Variants in GNAL observed in about 807,000 individuals in gnomAD.
GNAL encodes the protein guanine nucleotide-binding protein G(olf) subunit alpha.
GNAL carries 18 observed loss-of-function variants against 55.1 expected under a neutral mutation model. The observed-to-expected ratio is 0.33, with a 90% CI of 0.23 to 0.48. The LOEUF is 0.48. Ranked by LOEUF, GNAL falls within the 20% of genes least tolerant of loss-of-function variation. GNAL has a pLI of 0.99. For synonymous variants in GNAL, 253 were observed against 237.0 expected (o/e 1.07, Z -0.62); for missense variants, 412 against 614.1 (o/e 0.67, Z 3.48).
chr18:11,870,176 C>T (rs978547423), intron 9 of GNAL, among the ~76,000 whole-genome samples: 2 of 152,138 alleles, frequency 1.3e-5, no homozygotes, highest in Non-Finnish European at 2.9e-5. Context: ...AGGGATGACT[C>T]TATATCTAGG....
intron 1 of GNAL, among the ~76,000 whole-genome samples, chr18:11,708,542 C>T (rs1567993302): frequency 2.6e-5 from 4 of 152,108 alleles, no homozygotes; most frequent in Admixed American, 2.0e-4. Context: ...ATTACCAAAA[C>T]GTAATACAGA....
At chr18:11,859,955 C>T (rs952091781) in intron 5 of GNAL, among the ~76,000 whole-genome samples, 2 of 152,112 alleles carry the variant, frequency 1.3e-5, no homozygotes, top group Admixed American at 1.3e-4. Context: ...ACAATGTTGG[C>T]TAGGTTGGTC....
chr18:11,791,770 C>T (rs1031701261), intron 4 of GNAL, among the ~76,000 whole-genome samples: 1 of 152,132 alleles, frequency 6.6e-6, no homozygotes, highest in East Asian at 1.9e-4. Context: ...TGCAAGGACT[C>T]GAAGTAGGAC....
At chr18:11,848,230 T>A (rs570591775) in intron 5 of GNAL, among the ~76,000 whole-genome samples, 24 of 151,782 alleles carry the variant, frequency 1.6e-4, no homozygotes, top group Middle Eastern at 6.8e-3. Context: ...ATGGCTGGGG[T>A]GTTGATAAGA....
chr18:11,770,736 A>C (rs1347658232), intron 4 of GNAL, among the ~76,000 whole-genome samples: 1 of 152,146 alleles, frequency 6.6e-6, no homozygotes, highest in East Asian at 1.9e-4. Context: ...AAATAATCTA[A>C]ATTTTAGATA....
chr18:11,729,781 G>C (rs774853466), intron 1 of GNAL, among the ~76,000 whole-genome samples: 27 of 152,240 alleles, frequency 1.8e-4, no homozygotes, highest in Admixed American at 5.2e-4. Flanking sequence ...GTGGCTGCTC[G>C]CGGCTGGCAG....
chr18:11,831,374 C>T (rs2035379529), intron 5 of GNAL, among the ~76,000 whole-genome samples: 1 of 152,060 alleles, frequency 6.6e-6, no homozygotes, highest in African/African-American at 2.4e-5. Flanking sequence ...AGGCCTGCTT[C>T]TTCATACTTG....
intron 4 of GNAL, among the ~76,000 whole-genome samples, chr18:11,820,702 AG>A (rs927412634): frequency 3.3e-5 from 5 of 152,226 alleles, no homozygotes; most frequent in African/African-American, 1.2e-4. Flanking sequence ...TCACAACAGC[AG>A]CCCTGGAATT....
chr18:11,849,837 A>G (rs930558512), intron 5 of GNAL, among the ~76,000 whole-genome samples: 9 of 152,226 alleles, frequency 5.9e-5, no homozygotes, highest in Non-Finnish European at 1.3e-4. Flanking sequence ...AAATTCAGCA[A>G]CGCCATCTGG....
At chr18:11,750,843 A>C (rs766859625) in intron 1 of GNAL, among the ~76,000 whole-genome samples, 8 of 152,098 alleles carry the variant, frequency 5.3e-5, no homozygotes, top group Non-Finnish European at 8.8e-5. Context: ...CAGGTGGGAC[A>C]GAGTTGAATG....
chr18:11,699,300 T>C (rs1230122374), intron 1 of GNAL, among the ~76,000 whole-genome samples: 1 of 152,122 alleles, frequency 6.6e-6, no homozygotes, highest in African/African-American at 2.4e-5. Context: ...GTTCAAGCGA[T>C]TCTCTTGCCT....
intron 4 of GNAL, among the ~76,000 whole-genome samples, chr18:11,767,440 G>T (rs915414295): frequency 6.6e-6 from 1 of 151,282 alleles, no homozygotes; most frequent in Non-Finnish European, 1.5e-5. Flanking sequence ...CCTTTTGCTT[G>T]CACAGTTGCT....
intron 5 of GNAL, among the ~76,000 whole-genome samples, chr18:11,830,677 A>G (rs2035359952): frequency 6.6e-6 from 1 of 152,220 alleles, no homozygotes; most frequent in African/African-American, 2.4e-5. Flanking sequence ...TGGTAGATGG[A>G]TGTTCATAGC....
Position 11,881,747 on chromosome 18 carries a change from T to A in GNAL, c.*612T>A, listed in dbSNP as rs996709650. ...ACCTACCACATTCACTACTGCAAAATGTGTCCTGTCTAAAAATGATTCTCT... is the reference window on the plus strand; with the variant it reads ...ACCTACCACATTCACTACTGCAAAAAGTGTCCTGTCTAAAAATGATTCTCT... On this transcript the variant is annotated 3_prime_UTR_variant, in exon 12 of 12. Transcript: ENST00000334049. The surrounding 1 kb of genome is among the most constrained non-coding windows in gnomAD (Gnocchi z 4.8). 6.6e-6 allele frequency: 1 copy of A among 152,622 alleles called. No homozygotes were observed. Among genetic ancestry groups the A allele is most frequent in the Admixed American group, 6.5e-5 (1 of 15,282 alleles). 9.5% of individuals were successfully genotyped at this position (152,622 alleles called of 1,614,324 possible).
chr18:11,768,766 C>T (rs1043765069), intron 4 of GNAL, among the ~76,000 whole-genome samples: 3 of 140,856 alleles, frequency 2.1e-5, no homozygotes, highest in African/African-American at 5.3e-5. Context: ...TGGTGGCAGG[C>T]GCCTGTAGTC....
chr18:11,701,950 A>G (rs1159515917), intron 1 of GNAL: 4 of 152,110 alleles, frequency 2.6e-5, no homozygotes, highest in Admixed American at 6.5e-5. Context: ...AAAAAATGAA[A>G]CGTTTATCCT....
chr18:11,844,929 G>C (rs573481165), intron 5 of GNAL, among the ~76,000 whole-genome samples: 14 of 152,210 alleles, frequency 9.2e-5, no homozygotes, highest in Non-Finnish European at 1.9e-4. Context: ...GCAATGATGT[G>C]ATCTTGGCTC....
At chr18:11,722,230 C>T (rs1463052768) in intron 1 of GNAL, among the ~76,000 whole-genome samples, 2 of 152,210 alleles carry the variant, frequency 1.3e-5, no homozygotes, top group African/African-American at 4.8e-5. Context: ...ATTTAATTAA[C>T]TTACCACCAG....
chr18:11,817,734 G>A (rs76176282), intron 4 of GNAL, among the ~76,000 whole-genome samples: 7,481 of 149,738 alleles, frequency 0.05, 332 homozygotes, highest in African/African-American at 0.099. Flanking sequence ...GATTGCAGGT[G>A]CGTGCCACAA....
Sources: allele counts gnomAD v4.1 joint callset (sites outside exome capture counted in the v4.1 genomes callset), GRCh38; gene constraint gnomAD v4.1.1; non-coding constraint Gnocchi (gnomAD v3.1); transcripts MANE v1.5; gene names NCBI Gene and HGNC (gene_info 2026-07-23, HGNC 2026-07-21).